The following NKTR variants were observed in gnomAD, a reference collection of about 807,000 sequenced individuals.
NKTR encodes NK-tumor recognition protein.
Under a neutral mutation model 156.3 loss-of-function variants are expected in NKTR, and 67 were observed. That is an observed-to-expected ratio of 0.43 (90% CI 0.35 to 0.53). NKTR has a LOEUF of 0.53. Among genes scored for constraint, NKTR ranks in the 20% least tolerant of loss-of-function variants. The pLI is 0.01. For missense variants in NKTR, 1,604 were observed against 1,730.9 expected, an observed-to-expected ratio of 0.93 and a Z score of 1.30; for synonymous variants, 640 against 596.6, an observed-to-expected ratio of 1.07 and a Z score of -1.06.
rs191896025 is a variant in NKTR, at chr3:42,613,483, T to C, written c.59-4087T>C. On this transcript the variant is annotated intron_variant, in intron 2 of 16. Coordinates refer to ENST00000232978, the MANE Select transcript of NKTR (RefSeq NM_005385.4). The stretch of plus-strand genomic sequence containing the variant: ...TAATTAATTGTTCTATGGGCTATTC[T>C]TTGCCTTCTGTAGTTTATCAACCTC... Among the ~76,000 whole-genome samples, 49 of 152,332 alleles carry C rather than the reference T, an allele frequency of 3.2e-4. 1 individual carries two copies.
chr3:42,633,789 T>C, intron 10 of NKTR, 54 bp downstream of exon 10: 8 of 1,600,576 alleles, frequency 5.0e-6, no homozygotes, highest in Non-Finnish European at 6.8e-6. Context: ...CACTGTTCCG[T>C]CAGCTCATTG....
chr3:42,607,969 C>CTTTTTTTTTTTTTTTTTTTTTTTTTTTT (rs201803926), intron 2 of NKTR, among the ~76,000 whole-genome samples: 1 of 74,972 alleles, frequency 1.3e-5, no homozygotes, highest in East Asian at 3.0e-4. Flanking sequence ...CTGAGTCGCT[C>CTTTTTTTTTTTTTTTTTTTTTTTTTTTT]TTTTTTTTTT....
Position 42,638,689 on chromosome 3 carries a change from G to A in NKTR, c.2985G>A (p.Glu995=), listed in dbSNP as rs1483435902. 4 of 1,611,632 alleles carry A rather than the reference G, an allele frequency of 2.5e-6. No homozygotes were observed. Among genetic ancestry groups the A allele is most frequent in the African/African-American group, 1.3e-5 (1 of 74,604 alleles). Reference sequence around the variant, plus strand: ...GAGAACACACCAAAAAAGTGAAAGAGAAATTGAAAGGGAAAAAAGACAAAA... The same window carrying A: ...GAGAACACACCAAAAAAGTGAAAGAAAAATTGAAAGGGAAAAAAGACAAAA... The part of the protein sequence containing the change: ...LKREHTKKVK[E]KLKGKKDKKH... Residue 995 remains glutamate (E), a synonymous_variant, in exon 13 of 17, where the codon GAG becomes GAA. Coordinates refer to ENST00000232978, the MANE Select transcript of NKTR (RefSeq NM_005385.4).
At chr3:42,604,442 CAT>C (rs765511996) in intron 2 of NKTR, among the ~76,000 whole-genome samples, 2 of 151,634 alleles carry the variant, frequency 1.3e-5, no homozygotes, top group South Asian at 2.1e-4. Context: ...AGAGAACACA[CAT>C]GATTTCCGTT....
chr3:42,616,176 G>T lies in NKTR; in HGVS notation c.59-1394G>T, dbSNP rs186751137. Among the ~76,000 whole-genome samples the T allele has an allele frequency of 1.0e-3, 157 of 152,204 alleles. No individual in the cohort carries two copies. The East Asian group carries it at 0.011, about 11-fold the overall frequency. On this transcript the variant is annotated intron_variant, in intron 2 of 16. Coordinates refer to ENST00000232978, the MANE Select transcript of NKTR (RefSeq NM_005385.4). ...TCTTAGTGATACAGAGTCATTTTGT[G>T]TCTGTTCTGAACATGATTTATGCTT...
chr3:42,605,221 A>G (rs1390798202), intron 2 of NKTR, among the ~76,000 whole-genome samples: 2 of 152,094 alleles, frequency 1.3e-5, no homozygotes, highest in Non-Finnish European at 2.9e-5. Context: ...CAATCCTTTT[A>G]CTTTTAACCT....
intron 7 of NKTR, 61 bp from the exon 8 acceptor site, chr3:42,631,110 T>A: frequency 6.3e-7 from 1 of 1,589,760 alleles, no homozygotes; most frequent in Non-Finnish European, 8.6e-7. Context: ...GTTAATTGTC[T>A]TGATTACTGT....
At chr3:42,611,174 T>C (rs1706761971) in intron 2 of NKTR, 1 of 152,186 alleles carries the variant, frequency 6.6e-6, no homozygotes, top group South Asian at 2.1e-4. Context: ...TGCACTAATA[T>C]CCTCATCATA....
intron 6 of NKTR, 86 bp downstream of exon 6, chr3:42,621,602 A>G (rs1391297164): frequency 3.6e-6 from 5 of 1,382,262 alleles, no homozygotes; most frequent in Non-Finnish European, 3.9e-6. Context: ...ACCAAGTTTA[A>G]TGCTAAAATT....
At chr3:42,645,453 G>T (rs1445356105) in intron 16 of NKTR, among the ~76,000 whole-genome samples, 1 of 152,174 alleles carries the variant, frequency 6.6e-6, no homozygotes, top group Non-Finnish European at 1.5e-5. Context: ...GGGAGGCTGA[G>T]GCAGGTGGAT....
intron 6 of NKTR, chr3:42,629,394 T>G (rs1708692437): frequency 1.1e-6 from 1 of 922,766 alleles, no homozygotes; most frequent in South Asian, 5.0e-5. Context: ...TCTGTAGTGC[T>G]CTTACAGAAC....
rs1553653057 is a variant in NKTR at position 42,600,927 on chromosome 3, T to TGCCCTCGCCCCTGCCCTCGCCCCC, written c.-23-46_-23-45insTGCCCTCGCCCCCGCCCTCGCCCC. On this transcript the variant is annotated intron_variant, in intron 1 of 16. Transcript: ENST00000232978. ...TTCGTCTCAGCCCCGCCCTCGCCCC[T>TGCCCTCGCCCCTGCCCTCGCCCCC]GCCCTCGCCCCCGCCCTCGCCCCTG... 1.3e-5 allele frequency: 13 copies of TGCCCTCGCCCCTGCCCTCGCCCCC among 1,006,706 alleles called. No individual in the cohort carries two copies. In the East Asian group the frequency reaches 4.0e-4, roughly 31 times the overall value. The allele number at this position is 1,006,706 out of a possible 1,614,324, so 62.4% of individuals were successfully genotyped here. A position where few individuals can be genotyped will look rare whatever the true frequency, so the allele number is the denominator to read the frequency against.
chr3:42,633,289 A>G (rs1709079437), intron 9 of NKTR: 1 of 939,650 alleles, frequency 1.1e-6, no homozygotes, highest in Non-Finnish European at 1.3e-6. Flanking sequence ...CAATCCTCCC[A>G]CCTAAGACCC....
chr3:42,619,962 A>G (rs772134970), intron 5 of NKTR: 1 of 1,527,264 alleles, frequency 6.5e-7, no homozygotes, highest in Non-Finnish European at 8.8e-7. Flanking sequence ...AACTATATAC[A>G]TGAAAACTCC....
Position 42,637,902 on chromosome 3 carries a change from G to A in NKTR, c.2198G>A (p.Ser733Asn), listed in dbSNP as rs1298294450. ...SSRSHSRNKYSDHSQCSRSSS... is the reference protein window; with the variant it reads ...SSRSHSRNKYNDHSQCSRSSS... Reference sequence around the variant, plus strand: ...AGATCTCATTCACGAAATAAATACAGTGATCATTCACAGTGTAGTAGATCA... The same window carrying A: ...AGATCTCATTCACGAAATAAATACAATGATCATTCACAGTGTAGTAGATCA... The change falls in exon 13 of 17, where the codon AGT (serine) becomes AAT (asparagine). Residue 733 changes from serine to asparagine, a missense_variant. By Grantham distance (46) the Ser-to-Asn change is conservative. Coordinates refer to ENST00000232978, the MANE Select transcript of NKTR (RefSeq NM_005385.4). The A allele has an allele frequency of 6.2e-7, 1 of 1,613,948 alleles. No individual in the cohort carries two copies. The highest frequency in any genetic ancestry group is 1.3e-5 in the African/African-American group (1 of 74,926).
At chr3:42,619,632 C>CATT in intron 4 of NKTR, 32 bp from the exon 5 acceptor site, 1 of 1,602,660 alleles carries the variant, frequency 6.2e-7, no homozygotes, top group Non-Finnish European at 8.5e-7. Flanking sequence ...TTTTAATGTT[C>CATT]ATTATGGCTT....
intron 2 of NKTR, among the ~76,000 whole-genome samples, chr3:42,611,436 G>GT (rs1324214403): frequency 6.6e-6 from 1 of 152,062 alleles, no homozygotes; most frequent in Non-Finnish European, 1.5e-5. Context: ...GTGAATACCT[G>GT]TTTAAGTATG....
At chr3:42,602,693 G>A (rs1365895824) in intron 2 of NKTR, 3 of 139,098 alleles carry the variant, frequency 2.2e-5, no homozygotes, top group African/African-American at 7.8e-5. Flanking sequence ...TCTTTATTTT[G>A]TAGTGAATCC....
intron 2 of NKTR, among the ~76,000 whole-genome samples, chr3:42,607,942 C>T (rs1706380692): frequency 7.6e-6 from 1 of 130,950 alleles, no homozygotes; most frequent in Non-Finnish European, 1.6e-5. Context: ...CCACTGCGGG[C>T]ATGCCAATCG....
Sources: gnomAD v4.1 joint callset for allele counts (sites outside exome capture counted in the v4.1 genomes callset) on GRCh38, gnomAD v4.1.1 for gene constraint, MANE v1.5 for transcripts, NCBI Gene and HGNC (gene_info 2026-07-23, HGNC 2026-07-21) for gene names.